Variants in ZNF107 observed in about 807,000 individuals in gnomAD.
The protein encoded by ZNF107 is C2H2 type zinc-finger protein.
Under a neutral mutation model 12.3 loss-of-function variants are expected in ZNF107, and 19 were observed. The observed-to-expected ratio is 1.55, with a 90% confidence interval of 1.08 to 2.27. The LOEUF is 2.27. ZNF107 is among the 30% of genes most tolerant of loss of function. The pLI, the probability that ZNF107 is intolerant of heterozygous loss-of-function variation, is 0.00. For missense variants in ZNF107, 958 were observed against 979.9 expected (o/e 0.98, Z 0.30); for synonymous variants, 317 against 330.5 (o/e 0.96, Z 0.44).
At chr7:64,676,923 A>C (rs1237795358) in intron 1 of ZNF107, among the ~76,000 whole-genome samples, 1 of 151,958 alleles carries the variant, frequency 6.6e-6, no homozygotes, top group Non-Finnish European at 1.5e-5. Context: ...GTGTCATCTT[A>C]TGTTAAAAAA....
intron 1 of ZNF107, among the ~76,000 whole-genome samples, chr7:64,683,492 C>A (rs1370232368): frequency 6.6e-6 from 1 of 152,190 alleles, no homozygotes; most frequent in African/African-American, 2.4e-5. Flanking sequence ...ATCTATTATC[C>A]CTACCTACTA....
chr7:64,678,990 A>G (rs902758967), intron 1 of ZNF107: 5 of 152,008 alleles, frequency 3.3e-5, no homozygotes, highest in African/African-American at 1.2e-4. Context: ...ATATTCCAGT[A>G]TAGATCTCCC....
chr7:64,697,006 C>T (rs920532609), intron 3 of ZNF107, among the ~76,000 whole-genome samples: 1 of 151,708 alleles, frequency 6.6e-6, no homozygotes, highest in African/African-American at 2.4e-5. Context: ...TGTGATGTTC[C>T]CCTTCCTGTG....
At chr7:64,700,388 T>C (rs1013794536) in intron 3 of ZNF107, among the ~76,000 whole-genome samples, 2 of 152,190 alleles carry the variant, frequency 1.3e-5, no homozygotes, top group Non-Finnish European at 2.9e-5. Context: ...GATATGTGTA[T>C]GTTCAGTTAT....
rs1188647785 is a variant in ZNF107, at chr7:64,710,871, T to C, written c.*2215T>C. 1 of 152,148 alleles carries C rather than the reference T, an allele frequency of 6.6e-6. No homozygotes were observed. Among genetic ancestry groups the C allele is most frequent in the Non-Finnish European group, 1.5e-5 (1 of 67,988 alleles). 9.4% of individuals were successfully genotyped at this position (152,148 alleles called of 1,614,324 possible). ...GAGGCTGTTTGTGTTTAACTTATAA[T>C]ATTGAGTGATCCATGAAGTAGGTTT... is the stretch of plus-strand genomic sequence containing the variant. On this transcript the variant is annotated 3_prime_UTR_variant, in exon 4 of 4. Coordinates refer to ENST00000620827, the MANE Select transcript of ZNF107 (RefSeq NM_001282359.2).
Position 64,711,026 on chromosome 7 carries a change from A to T in ZNF107, c.*2370A>T. ...GTAATAAAATGCAATGTGTTTAAAAATTTTTGGATTATGCGTGAACTTAGT... is the reference window on the plus strand; with the variant it reads ...GTAATAAAATGCAATGTGTTTAAAATTTTTTGGATTATGCGTGAACTTAGT... On this transcript the variant is annotated 3_prime_UTR_variant, in exon 4 of 4. Transcript: ENST00000620827. The T allele has an allele frequency of 6.6e-6, 1 of 152,268 alleles. No individual in the cohort carries two copies. Among genetic ancestry groups the T allele is most frequent in the South Asian group, 2.1e-4 (1 of 4,828 alleles). 9.4% of individuals were successfully genotyped at this position (152,268 alleles called of 1,614,324 possible).
chr7:64,708,505 C>G lies in ZNF107; in HGVS notation c.2408C>G (p.Ser803Cys). The G allele has an allele frequency of 6.2e-7, 1 of 1,612,784 alleles. No homozygotes were observed. Among genetic ancestry groups the G allele is most frequent in the Non-Finnish European group, 8.5e-7 (1 of 1,179,476 alleles). The stretch of plus-strand genomic sequence containing the variant: ...GGCAAATCCTTTAACCAGTTCTCAT[C>G]TCTTAATATACATAAGATAATTCAT... ...ECGKSFNQFS[S>C]LNIHKIIHTG... The change falls in exon 4 of 4, where the codon TCT becomes TGT. Residue 803 changes from serine (S) to cysteine (C), a missense_variant. Physicochemically the swap from Ser to Cys is moderately radical, Grantham distance 112. Transcript: ENST00000620827.
rs140754329 is a variant in ZNF107, at chr7:64,668,195, G to A, written c.3+1910G>A. ...TTATACTTTAAGTTTTAGGGTACAT[G>A]TGCATAACGTGCAGGTTTGTTACAT... On this transcript the variant is annotated intron_variant, in intron 1 of 3. Coordinates refer to ENST00000620827, the MANE Select transcript of ZNF107 (RefSeq NM_001282359.2). Among the ~76,000 whole-genome samples, 304 of 151,850 alleles carry A rather than the reference G, an allele frequency of 2.0e-3. 1 individual carries two copies. Among genetic ancestry groups the A allele is most frequent in the African/African-American group, 6.5e-3 (269 of 41,404 alleles).
chr7:64,697,883 G>A (rs1441577577), intron 3 of ZNF107, among the ~76,000 whole-genome samples: 2 of 151,952 alleles, frequency 1.3e-5, no homozygotes, highest in South Asian at 2.1e-4. Flanking sequence ...TAGTAGAGAC[G>A]GGGTTTCACC....
intron 1 of ZNF107, chr7:64,679,278 C>T: frequency 2.0e-6 from 2 of 985,106 alleles, no homozygotes; most frequent in Non-Finnish European, 2.4e-6. Context: ...AAGAGACCCA[C>T]CCGCGACCTC....
intron 1 of ZNF107, among the ~76,000 whole-genome samples, chr7:64,690,887 A>G (rs1000795059): frequency 3.3e-5 from 5 of 152,130 alleles, no homozygotes; most frequent in Admixed American, 2.0e-4. Flanking sequence ...GATTACAGAC[A>G]TGTGCCACTG....
intron 1 of ZNF107, among the ~76,000 whole-genome samples, chr7:64,677,671 G>C (rs1230324225): frequency 6.6e-6 from 1 of 151,440 alleles, no homozygotes; most frequent in Non-Finnish European, 1.5e-5. Flanking sequence ...GGCTAACACG[G>C]TGAAACCCTG....
At chr7:64,701,216 G>C (rs1562842084) in intron 3 of ZNF107, among the ~76,000 whole-genome samples, 1 of 151,860 alleles carries the variant, frequency 6.6e-6, no homozygotes, top group Non-Finnish European at 1.5e-5. Flanking sequence ...GTTACTATTT[G>C]CATAGAATAA....
intron 3 of ZNF107, among the ~76,000 whole-genome samples, chr7:64,702,172 G>A (rs1053615626): frequency 2.0e-5 from 3 of 149,766 alleles, no homozygotes; most frequent in East Asian, 2.0e-4. Context: ...TTTTTGAGAC[G>A]GAGTCTTGCT....
chr7:64,668,850 A>C (rs1409554482), intron 1 of ZNF107, among the ~76,000 whole-genome samples: 1 of 152,148 alleles, frequency 6.6e-6, no homozygotes, highest in Admixed American at 6.5e-5. Flanking sequence ...GTAGAAAATG[A>C]ATACATTTTT....
chr7:64,698,772 G>A (rs1357992881), intron 3 of ZNF107, among the ~76,000 whole-genome samples: 1 of 151,978 alleles, frequency 6.6e-6, no homozygotes, highest in East Asian at 1.9e-4. Context: ...CAAGACCAAT[G>A]TCATGTATTT....
intron 1 of ZNF107, among the ~76,000 whole-genome samples, chr7:64,668,591 GT>G (rs567105925): frequency 1.0e-3 from 154 of 151,800 alleles, no homozygotes; most frequent in Non-Finnish European, 2.0e-3. Flanking sequence ...CATTTTATTA[GT>G]ATGATTTAAA....
chr7:64,702,714 T>C lies in ZNF107; in HGVS notation c.227-3610T>C, dbSNP rs373711729. The stretch of plus-strand genomic sequence containing the variant: ...CTGGGATTACAGACATGTGCCACTA[T>C]ACCCAGCTAATTTTGTATTTTTAGT... On this transcript the variant is annotated intron_variant, in intron 3 of 3. Transcript: ENST00000620827. 1.7e-4 allele frequency among the ~76,000 whole-genome samples: 26 copies of C among 152,114 alleles called. 1 individual carries two copies. In the Middle Eastern group the frequency reaches 0.024, roughly 139 times the overall value.
At chr7:64,666,531 C>T (rs1789011430) in intron 1 of ZNF107, among the ~76,000 whole-genome samples, 1 of 152,220 alleles carries the variant, frequency 6.6e-6, no homozygotes, top group African/African-American at 2.4e-5. Flanking sequence ...CCTCCCTGCT[C>T]AGTGACTGTG....
Sources: allele counts gnomAD v4.1 joint callset (sites outside exome capture counted in the v4.1 genomes callset), GRCh38; gene constraint gnomAD v4.1.1; transcripts MANE v1.5; gene names NCBI Gene and HGNC (gene_info 2026-07-23, HGNC 2026-07-21).